The following MAGI2 variants were observed in gnomAD, a reference collection of about 807,000 sequenced individuals.
MAGI2 encodes the protein membrane associated guanylate kinase, WW and PDZ domain containing 2, also known as membrane-associated guanylate kinase, WW and PDZ domain-containing protein 2.
MAGI2 carries 35 observed loss-of-function variants against 133.3 expected under a neutral mutation model. The observed-to-expected ratio is 0.26, with a 90% CI of 0.20 to 0.35. The LOEUF (loss-of-function observed/expected upper bound fraction) is 0.35, where lower values mean the gene tolerates loss of function less well. Ranked by LOEUF, MAGI2 falls within the 10% of genes least tolerant of loss-of-function variation. MAGI2 has a pLI of 1.00. For synonymous variants in MAGI2, 729 were observed against 710.6 expected (o/e 1.03, Z -0.41); for missense variants, 1,636 against 1,863.4 (o/e 0.88, Z 2.25).
chr7:78,046,401 CAAAAAAAAACA>C (rs901908718), intron 21 of MAGI2, among the ~76,000 whole-genome samples: 9 of 92,772 alleles, frequency 9.7e-5, no homozygotes, highest in African/African-American at 3.1e-4. Flanking sequence ...GACTCTGTCT[CAAAAAAAAACA>C]AAAAAAAAAC....
chr7:79,447,748 T>C (rs946607409), intron 1 of MAGI2, among the ~76,000 whole-genome samples: 1 of 151,930 alleles, frequency 6.6e-6, no homozygotes, highest in Non-Finnish European at 1.5e-5. Flanking sequence ...TAAAATAGTA[T>C]AGTATAAAAT....
chr7:79,319,316 C>A (rs1838993051), intron 1 of MAGI2, among the ~76,000 whole-genome samples: 1 of 152,140 alleles, frequency 6.6e-6, no homozygotes. Context: ...CCTGTAATTT[C>A]TATGGCATGA....
chr7:78,548,268 A>C (rs1799038225), intron 3 of MAGI2, among the ~76,000 whole-genome samples: 1 of 152,216 alleles, frequency 6.6e-6, no homozygotes, highest in Admixed American at 6.5e-5. Flanking sequence ...ATTATGAGAA[A>C]CTTATTCTTT....
chr7:79,391,673 T>C (rs1267761869), intron 1 of MAGI2, among the ~76,000 whole-genome samples: 1 of 150,874 alleles, frequency 6.6e-6, no homozygotes, highest in East Asian at 2.0e-4. Context: ...CATGTAGGTG[T>C]TTTTTGTTTG....
chr7:78,881,983 C>G (rs894964068), intron 2 of MAGI2, among the ~76,000 whole-genome samples: 1 of 140,248 alleles, frequency 7.1e-6, no homozygotes, highest in African/African-American at 2.6e-5. Context: ...GAAATGGAGA[C>G]CCAAAAACCC....
intron 2 of MAGI2, among the ~76,000 whole-genome samples, chr7:78,813,047 T>C (rs1451421691): frequency 6.6e-6 from 1 of 152,168 alleles, no homozygotes. Context: ...TTAGACAGAA[T>C]ACATGAAACA....
intron 2 of MAGI2, among the ~76,000 whole-genome samples, chr7:78,693,146 C>A (rs145787463): frequency 2.0e-5 from 3 of 152,258 alleles, no homozygotes; most frequent in African/African-American, 7.2e-5. Context: ...TTGCCACTTG[C>A]TGGTTGTGAA....
intron 1 of MAGI2, chr7:79,177,206 T>C (rs1296960575): frequency 6.6e-6 from 1 of 152,044 alleles, no homozygotes; most frequent in Non-Finnish European, 1.5e-5. Flanking sequence ...CGTTTTTTCC[T>C]ATAATTTCTT....
At position 78,063,794 on chromosome 7, in the gene MAGI2, CT is replaced by C. The variant is rs1390960247; in HGVS notation, c.3706+15152del. Among the ~76,000 whole-genome samples the C allele has an allele frequency of 7.2e-5, 11 of 152,280 alleles. No homozygotes were observed. In the East Asian group the frequency reaches 2.1e-3, roughly 29 times the overall value. ...CTGCCTGCTTTGGGTTCTTATCACCCTTTGCTGATACTATTGATCTTGCCCC... is the reference window on the plus strand; with the variant it reads ...CTGCCTGCTTTGGGTTCTTATCACCCTTGCTGATACTATTGATCTTGCCCC... On this transcript the variant is annotated intron_variant, in intron 21 of 21. Transcript: ENST00000354212.
intron 10 of MAGI2, among the ~76,000 whole-genome samples, chr7:78,231,714 CTT>C (rs1241211044): frequency 6.6e-6 from 1 of 152,134 alleles, no homozygotes; most frequent in East Asian, 1.9e-4. Context: ...AACAAGCTCT[CTT>C]TTCCCTCACT....
At chr7:79,279,899 A>C (rs1359792141) in intron 1 of MAGI2, among the ~76,000 whole-genome samples, 2 of 152,232 alleles carry the variant, frequency 1.3e-5, no homozygotes, top group African/African-American at 2.4e-5. Context: ...AGCTTTACTA[A>C]AGATATCAAC....
chr7:78,882,101 AAAAAAAAGAAAAGAAAAAC>A (rs1795912160), intron 2 of MAGI2, among the ~76,000 whole-genome samples: 2 of 126,234 alleles, frequency 1.6e-5, no homozygotes, highest in African/African-American at 5.6e-5. Flanking sequence ...AAAAAAAAAA[AAAAAAAAGAAAAGAAAAAC>A]AAAAAAAAAA....
intron 2 of MAGI2, among the ~76,000 whole-genome samples, chr7:79,002,134 C>CTTTTTT: frequency 7.4e-6 from 1 of 135,232 alleles, no homozygotes; most frequent in Admixed American, 7.4e-5. Flanking sequence ...TCTTCTTCTT[C>CTTTTTT]TTTTTTTTTT....
At chr7:78,360,913 T>A (rs1792712974) in intron 7 of MAGI2, among the ~76,000 whole-genome samples, 1 of 152,172 alleles carries the variant, frequency 6.6e-6, no homozygotes, top group African/African-American at 2.4e-5. Flanking sequence ...GAACATGGTG[T>A]CTCCAGCTGT....
intron 1 of MAGI2, among the ~76,000 whole-genome samples, chr7:79,340,036 A>G (rs17152270): frequency 0.039 from 5,868 of 152,200 alleles, 356 homozygotes; most frequent in African/African-American, 0.13. Context: ...TATGTAATAT[A>G]TGCTTTCAAT....
chr7:79,213,973 T>C (rs12706063), intron 1 of MAGI2, among the ~76,000 whole-genome samples: 78,481 of 151,768 alleles, frequency 0.52, 25,062 homozygotes, highest in Non-Finnish European at 0.7. Context: ...GTCATATATA[T>C]AGTACACCAA....
Position 79,028,245 on chromosome 7 carries a change from A to C in MAGI2, c.302-21039T>G, listed in dbSNP as rs900889995. ...TATATATATATGTATGTATATATAT[A>C]TATATATATATATATATATATATGT... On this transcript the variant is annotated intron_variant, in intron 1 of 21. Coordinates refer to ENST00000354212, the MANE Select transcript of MAGI2 (RefSeq NM_012301.4). Among the ~76,000 whole-genome samples the C allele has an allele frequency of 5.2e-4, 50 of 96,206 alleles. 2 individuals carry two copies. Among genetic ancestry groups the C allele is most frequent in the African/African-American group, 2.0e-3 (47 of 23,552 alleles). The allele number at this position is 96,206 out of a possible 152,430, so 63.1% of individuals were successfully genotyped here.
At chr7:79,009,902 A>G (rs1807867605) in intron 1 of MAGI2, among the ~76,000 whole-genome samples, 2 of 152,168 alleles carry the variant, frequency 1.3e-5, no homozygotes, top group Non-Finnish European at 1.5e-5. Flanking sequence ...AGCTAAAAAC[A>G]ATGTCAGTAA....
At chr7:78,894,310 G>A (rs553184586) in intron 2 of MAGI2, among the ~76,000 whole-genome samples, 2 of 152,300 alleles carry the variant, frequency 1.3e-5, no homozygotes, top group Admixed American at 6.5e-5. Flanking sequence ...GCTGAGGCAG[G>A]AGAATGGCGT....
Sources: gnomAD v4.1 joint callset for allele counts (sites outside exome capture counted in the v4.1 genomes callset) on GRCh38, gnomAD v4.1.1 for gene constraint, MANE v1.5 for transcripts, NCBI Gene and HGNC (gene_info 2026-07-23, HGNC 2026-07-21) for gene names.